Variants in COPRS observed in about 807,000 individuals in gnomAD.
COPRS encodes the protein coordinator of PRMT5 and differentiation stimulator.
A neutral mutation model predicts 19.9 loss-of-function variants in COPRS; 11 were observed. The observed-to-expected ratio is 0.55, with a 90% CI of 0.35 to 0.92. COPRS has a LOEUF of 0.92. COPRS is among the 40% of genes least tolerant of loss of function. The pLI is 0.01. For synonymous variants in COPRS, 81 were observed against 82.7 expected, an observed-to-expected ratio of 0.98 and a Z score of 0.11; for missense variants, 225 against 229.9, an observed-to-expected ratio of 0.98 and a Z score of 0.14.
In COPRS at chr17:31,856,870, A is replaced by G. The variant is rs765601826; in HGVS notation, c.100-5T>C. On this transcript the variant is annotated splice_region_variant and splice_polypyrimidine_tract_variant and intron_variant, in intron 1 of 3. Coordinates refer to ENST00000302362, the MANE Select transcript of COPRS (RefSeq NM_018405.4). ...GTCAGCTGTAGCAAAGCCAGCCTGC[A>G]GGAAGAAGAAATGATTACCAAGGAC... 67 of 1,586,050 alleles carry G rather than the reference A, an allele frequency of 4.2e-5. No individual in the cohort carries two copies. The Middle Eastern group carries it at 5.0e-4, about 12-fold the overall frequency.
At chr17:31,856,208 G>A (rs1909346557) in intron 2 of COPRS, among the ~76,000 whole-genome samples, 1 of 151,622 alleles carries the variant, frequency 6.6e-6, no homozygotes, top group Non-Finnish European at 1.5e-5. Context: ...GGTGGCGCGT[G>A]CCTGTAGTTC....
chr17:31,851,942 G>A lies in COPRS; in HGVS notation c.*197C>T, dbSNP rs1909176483. 1.8e-6 allele frequency: 1 copy of A among 570,364 alleles called. No individual in the cohort carries two copies. The highest frequency in any genetic ancestry group is 3.1e-6 in the Non-Finnish European group (1 of 322,638). 35.3% of individuals were successfully genotyped at this position (570,364 alleles called of 1,614,324 possible). The stretch of plus-strand genomic sequence containing the variant: ...ACAAACACACACACATTTCAAGGAG[G>A]AGCCCATTAAGAACAACAACAGACT... On this transcript the variant is annotated 3_prime_UTR_variant, in exon 4 of 4. Coordinates refer to ENST00000302362, the MANE Select transcript of COPRS (RefSeq NM_018405.4).
In COPRS at chr17:31,852,151, A is replaced by G; in HGVS notation, c.543T>C (p.Asp181=). 1 of 1,614,156 alleles carries G rather than the reference A, an allele frequency of 6.2e-7. No homozygotes were observed. The highest frequency in any genetic ancestry group is 8.5e-7 in the Non-Finnish European group (1 of 1,180,026). ...GAAAGCTCCACACTCAATCTTCAGC[A>G]TCGTCAAACTGTCCTGTTTCAAAGA... ...KMVFETGQFD[D]AED Residue 181 remains aspartate, a synonymous_variant, in exon 4 of 4, where the codon GAT becomes GAC. Transcript: ENST00000302362.
chr17:31,854,553 A>T (rs2142274694), intron 2 of COPRS, among the ~76,000 whole-genome samples: 1 of 152,300 alleles, frequency 6.6e-6, no homozygotes, highest in Middle Eastern at 3.4e-3. Flanking sequence ...AAAGGTAGAC[A>T]CAACATCAAA....
Position 31,852,198 on chromosome 17 carries a change from T to A in COPRS, c.496A>T (p.Ile166Leu). ...DPSWHHPPPL[I>L]PYYSKMVFET... The stretch of plus-strand genomic sequence containing the variant: ...AAGACCATCTTGGAATAATAGGGTA[T>A]CAGTGGAGGCGGATGGTGCCAGCTG... Residue 166 changes from isoleucine (I) to leucine (L), a missense_variant, in exon 4 of 4, where the codon ATA becomes TTA. Physicochemically the swap from Ile to Leu is conservative, Grantham distance 5. This residue lies in a region of COPRS where 170 missense variants were observed against 171.4 expected (regional missense o/e 0.99). Coordinates refer to ENST00000302362, the MANE Select transcript of COPRS (RefSeq NM_018405.4). 1 of 1,614,162 alleles carries A rather than the reference T, an allele frequency of 6.2e-7. No homozygotes were observed. Among genetic ancestry groups the A allele is most frequent in the African/African-American group, 1.3e-5 (1 of 75,054 alleles).
In COPRS at chr17:31,852,094, C is replaced by T; in HGVS notation, c.*45G>A. On this transcript the variant is annotated 3_prime_UTR_variant, in exon 4 of 4. Coordinates refer to ENST00000302362, the MANE Select transcript of COPRS (RefSeq NM_018405.4). ...TCACCTCCAAGACAGGAAAAGAGAT[C>T]TTGACGTGGAGGCCCGCCCACCTAC... 1.2e-6 allele frequency: 2 copies of T among 1,610,116 alleles called. No individual in the cohort carries two copies. The highest frequency in any genetic ancestry group is 1.7e-6 in the Non-Finnish European group (2 of 1,178,004).
At chr17:31,853,692 T>C (rs1909235807) in intron 2 of COPRS, among the ~76,000 whole-genome samples, 1 of 152,182 alleles carries the variant, frequency 6.6e-6, no homozygotes, top group South Asian at 2.1e-4. Flanking sequence ...TTTTGCTCTT[T>C]TATTCCTCCC....
In COPRS at chr17:31,852,268, T is replaced by C. The variant is rs114545719; in HGVS notation, c.426A>G (p.Lys142=). 1.9e-6 allele frequency: 3 copies of C among 1,613,396 alleles called. No individual in the cohort carries two copies. The highest frequency in any genetic ancestry group is 2.7e-5 in the African/African-American group (2 of 74,838). ...DIQESISQEL[K]PWVCCAPQGD... is the part of the protein sequence containing the mutation. ...CTTGTGGGGCACAGCACACCCAAGG[T>C]TTAAGCTCTTGAGAAATGCTCTCCT... Residue 142 remains lysine, a synonymous_variant, in exon 4 of 4, where the codon AAA becomes AAG. Transcript: ENST00000302362.
chr17:31,855,501 AAAATAAATAAATAAAT>A (rs201832910), intron 2 of COPRS, among the ~76,000 whole-genome samples: 7 of 151,406 alleles, frequency 4.6e-5, no homozygotes, highest in African/African-American at 1.7e-4. Context: ...TCCGTCTCAA[AAAATAAATAAATAAAT>A]AAATAAATAA....
chr17:31,852,762 G>T, intron 3 of COPRS, 50 bp downstream of exon 3: 1 of 1,332,040 alleles, frequency 7.5e-7, no homozygotes, highest in Non-Finnish European at 1.1e-6. Context: ...TGGTCTGACA[G>T]GTGTGTCTGA....
At chr17:31,858,367 C>G (rs1382055322) in intron 1 of COPRS, 1 of 985,280 alleles carries the variant, frequency 1.0e-6, no homozygotes, top group Non-Finnish European at 1.2e-6. Context: ...TTTTTCATAT[C>G]TTACTTTGGC....
chr17:31,855,287 A>G (rs762441153), intron 2 of COPRS, among the ~76,000 whole-genome samples: 1 of 151,998 alleles, frequency 6.6e-6, no homozygotes, highest in Non-Finnish European at 1.5e-5. Flanking sequence ...CAAGGAGGGC[A>G]GATCACGAGG....
chr17:31,857,217 A>G (rs1909387740), intron 1 of COPRS, among the ~76,000 whole-genome samples: 1 of 152,144 alleles, frequency 6.6e-6, no homozygotes, highest in Non-Finnish European at 1.5e-5. Flanking sequence ...CTCTCCTCCA[A>G]GCTCAGAGAC....
rs866926260 is a variant in COPRS, at chr17:31,856,959, C to T, written c.100-94G>A. On this transcript the variant is annotated intron_variant, in intron 1 of 3. Transcript: ENST00000302362. ...TCTCAACCCCACCCACTCTTCCATACTCCCCTTGGTGATGCAGGGCTGGGA... is the reference window on the plus strand; with the variant it reads ...TCTCAACCCCACCCACTCTTCCATATTCCCCTTGGTGATGCAGGGCTGGGA... The T allele has an allele frequency of 2.0e-5, 16 of 793,694 alleles. 2 individuals are homozygous for T. The Middle Eastern group carries it at 4.2e-3, about 207-fold the overall frequency. 49.2% of individuals were successfully genotyped at this position (793,694 alleles called of 1,614,324 possible). A position where few individuals can be genotyped will look rare whatever the true frequency, so the allele number is the denominator to read the frequency against.
chr17:31,851,948 A>G lies in COPRS; in HGVS notation c.*191T>C. On this transcript the variant is annotated 3_prime_UTR_variant, in exon 4 of 4. Coordinates refer to ENST00000302362, the MANE Select transcript of COPRS (RefSeq NM_018405.4). The stretch of plus-strand genomic sequence containing the variant: ...ACACACACATTTCAAGGAGGAGCCC[A>G]TTAAGAACAACAACAGACTGGCGAG... The G allele has an allele frequency of 1.7e-6, 1 of 589,810 alleles. No homozygotes were observed. The highest frequency in any genetic ancestry group is 3.0e-6 in the Non-Finnish European group (1 of 336,916). 36.5% of individuals were successfully genotyped at this position (589,810 alleles called of 1,614,324 possible). A position where few individuals can be genotyped will look rare whatever the true frequency, so the allele number is the denominator to read the frequency against.
chr17:31,853,748 G>A (rs776605673), intron 2 of COPRS, among the ~76,000 whole-genome samples: 1 of 152,106 alleles, frequency 6.6e-6, no homozygotes, highest in Non-Finnish European at 1.5e-5. Flanking sequence ...GGACAAAGGG[G>A]AGCAGGGGCA....
chr17:31,855,434 G>T (rs1909309738), intron 2 of COPRS, among the ~76,000 whole-genome samples: 1 of 152,248 alleles, frequency 6.6e-6, no homozygotes, highest in South Asian at 2.1e-4. Context: ...GTGAACCCAG[G>T]GGGCAGAGTT....
In COPRS at chr17:31,856,838, T is replaced by A. The variant is rs8068049; in HGVS notation, c.127A>T (p.Ser43Cys). 2 of 1,608,372 alleles carry A rather than the reference T, an allele frequency of 1.2e-6. No homozygotes were observed. Among genetic ancestry groups the A allele is most frequent in the Non-Finnish European group, 1.7e-6 (2 of 1,175,680 alleles). ...GCCTTCTCAGTCTCTCTCTCCTGAC[T>A]GGAGTGGTCAGCTGTAGCAAAGCCA... is the stretch of plus-strand genomic sequence containing the variant. ...EAGFATADHS[S>C]QERETEKAMD... is the part of the protein sequence containing the mutation. Residue 43 changes from serine (S) to cysteine (C), a missense_variant, in exon 2 of 4, where the codon AGT (serine) becomes TGT (cysteine). Physicochemically the swap from Ser to Cys is moderately radical, Grantham distance 112. Around this residue, in one of 3 missense-constraint regions of COPRS, gnomAD observed 4 missense variants for 19.2 expected, o/e 0.21. Transcript: ENST00000302362.
chr17:31,854,856 G>C (rs1242393673), intron 2 of COPRS, among the ~76,000 whole-genome samples: 1 of 152,120 alleles, frequency 6.6e-6, no homozygotes, highest in Non-Finnish European at 1.5e-5. Flanking sequence ...GTGAGCACAG[G>C]GTTTCCTTTT....
Sources: allele counts gnomAD v4.1 joint callset (sites outside exome capture counted in the v4.1 genomes callset), GRCh38; gene constraint gnomAD v4.1.1; regional missense constraint gnomAD v4.1.1; transcripts MANE v1.5; gene names NCBI Gene and HGNC (gene_info 2026-07-23, HGNC 2026-07-21).